UTRN: variants seen among roughly 807,000 people sequenced by gnomAD.
UTRN encodes utrophin.
Under a neutral mutation model 463.9 loss-of-function variants are expected in UTRN, and 283 were observed. The ratio of observed to expected loss-of-function variants is 0.61; its 90% CI spans 0.55 to 0.67. The LOEUF (loss-of-function observed/expected upper bound fraction) is 0.67, where lower values mean the gene tolerates loss of function less well. Ranked by LOEUF, UTRN falls within the 30% of genes least tolerant of loss-of-function variation. UTRN has a pLI of 0.00. For missense variants in UTRN, 3,922 were observed against 4,084.3 expected (o/e 0.96, Z 1.08); for synonymous variants, 1,442 against 1,431.5 (o/e 1.01, Z -0.17).
At chr6:144,476,076 A>T (rs545354595) in intron 25 of UTRN, among the ~76,000 whole-genome samples, 5 of 139,388 alleles carry the variant, frequency 3.6e-5, no homozygotes, top group African/African-American at 8.7e-5. Flanking sequence ...ATCCTGTCTT[A>T]AAAAAAAAAC....
intron 53 of UTRN, among the ~76,000 whole-genome samples, chr6:144,724,280 GTGC>G (rs1787586821): frequency 7.4e-6 from 1 of 135,336 alleles, no homozygotes; most frequent in South Asian, 2.5e-4. Flanking sequence ...CCAGCCTGGA[GTGC>G]AGTGGCGCAA....
intron 2 of UTRN, among the ~76,000 whole-genome samples, chr6:144,316,556 C>T (rs1045379052): frequency 6.6e-5 from 10 of 152,180 alleles, no homozygotes; most frequent in Non-Finnish European, 1.2e-4. Context: ...TCTGGATATA[C>T]ATTAACTTTT....
chr6:144,377,650 T>C (rs1780581218), intron 2 of UTRN, among the ~76,000 whole-genome samples: 2 of 152,174 alleles, frequency 1.3e-5, no homozygotes, highest in African/African-American at 4.8e-5. Context: ...GTGAACACTG[T>C]TGTGGGGCTG....
rs1294790176 is a variant in UTRN, at chr6:144,839,259, C to T, written c.10152C>T (p.Ala3384=). Residue 3384 remains alanine (A), a synonymous_variant, in exon 72 of 75, where the codon GCC becomes GCT. Transcript: ENST00000367545. ...SALSYSLDPD[A]SGPQFHQAAG... ...TGAGCTACTCGCTTGATCCAGATGC[C>T]TCCGGCCCACAGTTCCACCAGGCAG... 3 of 1,613,838 alleles carry T rather than the reference C, an allele frequency of 1.9e-6. No homozygotes were observed. The highest frequency in any genetic ancestry group is 1.7e-5 in the Admixed American group (1 of 60,020).
intron 2 of UTRN, among the ~76,000 whole-genome samples, chr6:144,321,849 T>C (rs1775676652): frequency 6.7e-6 from 1 of 150,242 alleles, no homozygotes; most frequent in Admixed American, 6.7e-5. Context: ...CATTGCAACC[T>C]CCGCCTCGGG....
intron 53 of UTRN, among the ~76,000 whole-genome samples, chr6:144,728,345 TAAGTTA>T (rs1365432576): frequency 6.6e-6 from 1 of 152,164 alleles, no homozygotes; most frequent in Non-Finnish European, 1.5e-5. Flanking sequence ...CATAATAATC[TAAGTTA>T]AAGAACTGGC....
chr6:144,788,916 C>A (rs949232295), intron 61 of UTRN, among the ~76,000 whole-genome samples: 2 of 152,134 alleles, frequency 1.3e-5, no homozygotes, highest in Admixed American at 1.3e-4. Flanking sequence ...TCATCATTTT[C>A]ATTTTGCTTT....
chr6:144,415,912 G>A (rs369949179), intron 3 of UTRN, among the ~76,000 whole-genome samples: 17 of 152,130 alleles, frequency 1.1e-4, no homozygotes, highest in African/African-American at 3.9e-4. Flanking sequence ...CTGGTGGGTA[G>A]GTTAGAGGTG....
intron 2 of UTRN, among the ~76,000 whole-genome samples, chr6:144,401,464 T>C (rs1451346516): frequency 6.6e-6 from 1 of 152,196 alleles, no homozygotes; most frequent in Non-Finnish European, 1.5e-5. Context: ...TCTTGGTTAA[T>C]AAATGGCTTA....
intron 2 of UTRN, among the ~76,000 whole-genome samples, chr6:144,396,992 T>G (rs1782489953): frequency 6.6e-6 from 1 of 152,144 alleles, no homozygotes; most frequent in African/African-American, 2.4e-5. Context: ...ATGCCTGTAA[T>G]CCCAGCACTT....
chr6:144,632,006 T>C (rs7749344), intron 51 of UTRN, among the ~76,000 whole-genome samples: 4,545 of 152,272 alleles, frequency 0.03, 244 homozygotes, highest in African/African-American at 0.1. Flanking sequence ...GTAAGGGACC[T>C]GGGAAGCGCC....
intron 44 of UTRN, 25 bp downstream of exon 44, chr6:144,537,742 T>C: frequency 6.2e-7 from 1 of 1,602,860 alleles, no homozygotes; most frequent in Non-Finnish European, 8.5e-7. Flanking sequence ...TCTGTCTATA[T>C]GCCTTTTGGT....
rs1785294909 is a variant in UTRN, at chr6:144,426,381, A to G, written c.500A>G (p.Tyr167Cys). 6.2e-7 allele frequency: 1 copy of G among 1,614,174 alleles called. No homozygotes were observed. Among genetic ancestry groups the G allele is most frequent in the South Asian group, 1.1e-5 (1 of 91,082 alleles). ...LSWVRQTTRPYSQVNVLNFTT... is the reference protein window; with the variant it reads ...LSWVRQTTRPCSQVNVLNFTT... The stretch of plus-strand genomic sequence containing the variant: ...TGGGTGCGTCAGACCACCAGGCCCT[A>G]CAGCCAAGTCAACGTCCTCAACTTC... Residue 167 changes from tyrosine (Y) to cysteine (C), a missense_variant, in exon 7 of 75, where the codon TAC becomes TGC. By Grantham distance (194) the Tyr-to-Cys change is radical. Coordinates refer to ENST00000367545, the MANE Select transcript of UTRN (RefSeq NM_007124.3).
intron 42 of UTRN, among the ~76,000 whole-genome samples, chr6:144,531,815 T>G (rs910408338): frequency 4.6e-5 from 7 of 152,314 alleles, no homozygotes; most frequent in Admixed American, 1.3e-4. Flanking sequence ...CATGACAATT[T>G]AAAGATAATT....
chr6:144,299,275 C>T (rs776820477), intron 2 of UTRN, among the ~76,000 whole-genome samples: 1 of 152,146 alleles, frequency 6.6e-6, no homozygotes, highest in Non-Finnish European at 1.5e-5. Flanking sequence ...CTTTAGTGCT[C>T]TTAATTTATA....
intron 2 of UTRN, among the ~76,000 whole-genome samples, chr6:144,344,739 T>C (rs933681798): frequency 2.6e-4 from 39 of 152,236 alleles, no homozygotes; most frequent in African/African-American, 9.4e-4. Flanking sequence ...AAAAGGCATT[T>C]TACTTCTTGA....
chr6:144,718,308 T>TA lies in UTRN; in HGVS notation c.7810-12040dup, dbSNP rs1442040065. Among the ~76,000 whole-genome samples the TA allele has an allele frequency of 1.3e-4, 20 of 151,576 alleles. No homozygotes were observed. In the East Asian group the frequency reaches 1.9e-3, roughly 15 times the overall value. On this transcript the variant is annotated intron_variant, in intron 53 of 74. Transcript: ENST00000367545. ...AACATAGCAAGACTCTGTCCCTATT[T>TA]AAAAAAAAATTAATTAGCCTGGTAT...
intron 51 of UTRN, among the ~76,000 whole-genome samples, chr6:144,647,943 T>C (rs1778444918): frequency 6.6e-6 from 1 of 152,254 alleles, no homozygotes; most frequent in South Asian, 2.1e-4. Context: ...AGGGACCCTA[T>C]TGTTTAAATG....
intron 45 of UTRN, among the ~76,000 whole-genome samples, chr6:144,541,011 G>A (rs1399865727): frequency 6.6e-6 from 1 of 152,146 alleles, no homozygotes; most frequent in Non-Finnish European, 1.5e-5. Flanking sequence ...TTTCAAGCCT[G>A]CCATCATCTC....
Sources: allele counts gnomAD v4.1 joint callset (sites outside exome capture counted in the v4.1 genomes callset), GRCh38; gene constraint gnomAD v4.1.1; transcripts MANE v1.5; gene names NCBI Gene and HGNC (gene_info 2026-07-23, HGNC 2026-07-21).